The following ASB3 variants were observed in gnomAD, a reference collection of about 807,000 sequenced individuals.
The protein encoded by ASB3 is ankyrin repeat and SOCS box protein 3.
Under a neutral mutation model 54.5 loss-of-function variants are expected in ASB3, and 41 were observed. The ratio of observed to expected loss-of-function variants is 0.75; its 90% CI spans 0.59 to 0.98. ASB3 has a LOEUF of 0.98. Ranked by LOEUF, ASB3 falls within the 50% of genes least tolerant of loss-of-function variation. The pLI is 0.00. For missense variants in ASB3, 733 were observed against 620.0 expected (o/e 1.18, Z -1.94); for synonymous variants, 266 against 221.2 (o/e 1.20, Z -1.80).
At chr2:53,785,562 G>A (rs1217532897) in intron 1 of ASB3, among the ~76,000 whole-genome samples, 2 of 152,258 alleles carry the variant, frequency 1.3e-5, no homozygotes, top group Non-Finnish European at 2.9e-5. Flanking sequence ...GCCCAGGGGG[G>A]CCAGGCACAG....
At chr2:53,751,556 AACACT>A (rs1672512116) in intron 2 of ASB3, among the ~76,000 whole-genome samples, 1 of 152,198 alleles carries the variant, frequency 6.6e-6, no homozygotes, top group East Asian at 1.9e-4. Context: ...AGGTTCTGGT[AACACT>A]CAAATTATAC....
chr2:53,746,731 C>A (rs1490346938), intron 3 of ASB3, among the ~76,000 whole-genome samples: 1 of 152,098 alleles, frequency 6.6e-6, no homozygotes, highest in East Asian at 1.9e-4. Context: ...CCGCCCGCCT[C>A]GGCCTCCCAA....
In ASB3 at chr2:53,772,214, G is replaced by A. The variant is rs532606537; in HGVS notation, c.-13-6629C>T. Among the ~76,000 whole-genome samples the A allele has an allele frequency of 3.9e-5, 6 of 152,066 alleles. No individual in the cohort carries two copies. The South Asian group carries it at 6.2e-4, about 16-fold the overall frequency. ...TTTTGAGACAGAGTCTAGCTCTGTC[G>A]CCCAGGCTGGAGTGCAGTGGCGCGA... On this transcript the variant is annotated intron_variant, in intron 1 of 9. Transcript: ENST00000263634.
Position 53,771,858 on chromosome 2 carries a change from A to G in ASB3, c.-13-6273T>C, listed in dbSNP as rs145853721. ...AAATGTTGCTAATGCTCAGCTACTT[A>G]ATGAACTTTATTAATTCAGAAAAAT... is the stretch of plus-strand genomic sequence containing the variant. On this transcript the variant is annotated intron_variant, in intron 1 of 9. Coordinates refer to ENST00000263634, the MANE Select transcript of ASB3 (RefSeq NM_016115.5). The G allele has an allele frequency of 8.4e-5, 89 of 1,064,424 alleles. 3 individuals carry two copies. In the African/African-American group the frequency reaches 1.2e-3, roughly 15 times the overall value. The allele number at this position is 1,064,424 out of a possible 1,614,324, so 65.9% of individuals were successfully genotyped here.
intron 1 of ASB3, among the ~76,000 whole-genome samples, chr2:53,778,149 CAAAAAAAAAAAA>C (rs34356077): frequency 6.4e-5 from 4 of 62,632 alleles, no homozygotes; most frequent in East Asian, 4.7e-4. Context: ...ATTCTTGTCT[CAAAAAAAAAAAA>C]AAAAAAAAAA....
At chr2:53,727,868 G>A (rs533810554) in intron 5 of ASB3, among the ~76,000 whole-genome samples, 1 of 152,220 alleles carries the variant, frequency 6.6e-6, no homozygotes, top group South Asian at 2.1e-4. Flanking sequence ...TGGGATTACA[G>A]GCACATGCCA....
chr2:53,749,307 G>A (rs1223106821), intron 3 of ASB3, among the ~76,000 whole-genome samples: 2 of 151,952 alleles, frequency 1.3e-5, no homozygotes, highest in Non-Finnish European at 2.9e-5. Flanking sequence ...AGAAAAAGCT[G>A]GCAATAGCAA....
At chr2:53,754,816 T>C (rs1243275492) in intron 2 of ASB3, among the ~76,000 whole-genome samples, 1 of 152,244 alleles carries the variant, frequency 6.6e-6, no homozygotes, top group African/African-American at 2.4e-5. Flanking sequence ...ACACATTTGG[T>C]AAAGTCTCCA....
At chr2:53,745,391 C>T (rs992556447) in intron 3 of ASB3, among the ~76,000 whole-genome samples, 1 of 152,134 alleles carries the variant, frequency 6.6e-6, no homozygotes. Context: ...TCCCCTTTCT[C>T]GTGAGGTTTT....
At chr2:53,675,940 C>G (rs1257898249) in intron 9 of ASB3, among the ~76,000 whole-genome samples, 1 of 152,186 alleles carries the variant, frequency 6.6e-6, no homozygotes, top group Admixed American at 6.5e-5. Context: ...AAGGCAGTTA[C>G]TTCTCACTCA....
intron 2 of ASB3, chr2:53,763,741 G>C (rs1057403182): frequency 1.3e-5 from 2 of 159,936 alleles, no homozygotes; most frequent in Non-Finnish European, 2.9e-5. Flanking sequence ...CAGTATATTG[G>C]AAATGAGCTT....
chr2:53,696,964 T>C (rs146476922), intron 8 of ASB3, among the ~76,000 whole-genome samples: 101 of 152,266 alleles, frequency 6.6e-4, no homozygotes, highest in African/African-American at 2.4e-3. Flanking sequence ...CTGAGACCTA[T>C]TGGGCTACAT....
intron 7 of ASB3, among the ~76,000 whole-genome samples, chr2:53,714,014 T>G (rs559044085): frequency 6.6e-6 from 1 of 152,180 alleles, no homozygotes; most frequent in East Asian, 1.9e-4. Flanking sequence ...TCTTATAAAT[T>G]TGAAACGGTA....
chr2:53,706,599 C>G (rs553559650), intron 7 of ASB3, among the ~76,000 whole-genome samples: 1 of 152,204 alleles, frequency 6.6e-6, no homozygotes, highest in South Asian at 2.1e-4. Context: ...GCACGTGCCG[C>G]CACGCCTGAC....
At chr2:53,784,293 G>C (rs1353637147) in intron 1 of ASB3, among the ~76,000 whole-genome samples, 1 of 152,138 alleles carries the variant, frequency 6.6e-6, no homozygotes, top group Non-Finnish European at 1.5e-5. Flanking sequence ...AGTGTAGCCC[G>C]ACCACTTTGG....
chr2:53,670,767 T>C lies in ASB3; in HGVS notation c.1370-77A>G, dbSNP rs532574843. On this transcript the variant is annotated intron_variant, in intron 9 of 9. Coordinates refer to ENST00000263634, the MANE Select transcript of ASB3 (RefSeq NM_016115.5). ...TAGCACATAAAGGTAAATTTTTTTT[T>C]CCCCCAACTCTTAGTAATAAAAGTG... is the stretch of plus-strand genomic sequence containing the variant. 1.7e-4 allele frequency: 242 copies of C among 1,463,090 alleles called. 4 individuals are homozygous for C. The South Asian group carries it at 2.6e-3, about 16-fold the overall frequency. The allele number at this position is 1,463,090 out of a possible 1,614,324, so 90.6% of individuals were successfully genotyped here.
At chr2:53,779,648 G>A (rs1411808287) in intron 1 of ASB3, among the ~76,000 whole-genome samples, 6 of 152,010 alleles carry the variant, frequency 3.9e-5, no homozygotes, top group African/African-American at 9.7e-5. Context: ...TGTTGCCCAG[G>A]CTGGTCTTGA....
At position 53,700,379 on chromosome 2, in the gene ASB3, A is replaced by G. The variant is rs779697585; in HGVS notation, c.1130T>C (p.Ile377Thr). 2 of 1,614,112 alleles carry G rather than the reference A, an allele frequency of 1.2e-6. No individual in the cohort carries two copies. The highest frequency in any genetic ancestry group is 1.7e-6 in the Non-Finnish European group (2 of 1,180,000). Residue 377 changes from isoleucine (I) to threonine (T), a missense_variant, in exon 8 of 10, where the codon ATA becomes ACA. Transcript: ENST00000263634. ...KGCSLGPWNH[I>T]YEFVNHAIKA... ...AATTGCATGATTTACAAATTCATAT[A>G]TATGGTTCCATGGTCCCAATGAGCA... is the stretch of plus-strand genomic sequence containing the variant.
intron 5 of ASB3, among the ~76,000 whole-genome samples, chr2:53,725,570 C>T (rs1408298169): frequency 6.6e-6 from 1 of 152,166 alleles, no homozygotes; most frequent in East Asian, 1.9e-4. Flanking sequence ...CATCTCCAAA[C>T]TTTTCTTGTT....
Sources: gnomAD v4.1 joint callset for allele counts (sites outside exome capture counted in the v4.1 genomes callset) on GRCh38, gnomAD v4.1.1 for gene constraint, MANE v1.5 for transcripts, NCBI Gene and HGNC (gene_info 2026-07-23, HGNC 2026-07-21) for gene names.